Variants in RABGAP1L observed in about 807,000 individuals in gnomAD.
RABGAP1L encodes the protein RAB GTPase activating protein 1 like.
Under a neutral mutation model 137.7 loss-of-function variants are expected in RABGAP1L, and 63 were observed. That is an observed-to-expected ratio of 0.46 (90% CI 0.37 to 0.56). The LOEUF is 0.56. RABGAP1L is among the 20% of genes least tolerant of loss of function. RABGAP1L has a pLI of 0.00. For missense variants in RABGAP1L, 1,095 were observed against 1,244.0 expected (o/e 0.88, Z 1.80); for synonymous variants, 431 against 433.7 (o/e 0.99, Z 0.08).
intron 14 of RABGAP1L, among the ~76,000 whole-genome samples, chr1:174,651,266 A>G (rs904694220): frequency 9.2e-5 from 14 of 151,984 alleles, no homozygotes; most frequent in Non-Finnish European, 1.3e-4. Context: ...TATGTGGTCA[A>G]TTTTGGAATA....
intron 20 of RABGAP1L, chr1:174,957,998 T>G: frequency 6.4e-7 from 1 of 1,557,698 alleles, no homozygotes; most frequent in East Asian, 2.2e-5. Context: ...CTTTCAAAAA[T>G]GAAACAAAAA....
intron 13 of RABGAP1L, among the ~76,000 whole-genome samples, chr1:174,563,603 C>T (rs1442256126): frequency 2.0e-5 from 3 of 152,030 alleles, no homozygotes; most frequent in East Asian, 3.9e-4. Context: ...ACTGTGATAA[C>T]CGAAGGGTTC....
At chr1:174,317,700 C>T (rs1679517664) in intron 11 of RABGAP1L, among the ~76,000 whole-genome samples, 1 of 152,164 alleles carries the variant, frequency 6.6e-6, no homozygotes, top group Non-Finnish European at 1.5e-5. Context: ...GGGCCTAGTT[C>T]ATCACTATGA....
intron 13 of RABGAP1L, among the ~76,000 whole-genome samples, chr1:174,400,585 T>A (rs765029076): frequency 3.0e-4 from 46 of 152,222 alleles, no homozygotes; most frequent in Non-Finnish European, 5.7e-4. Flanking sequence ...AGGTCCTGGA[T>A]AAAGCTTTTA....
chr1:174,327,324 TAAG>T (rs1167659375), intron 11 of RABGAP1L, among the ~76,000 whole-genome samples: 2 of 151,850 alleles, frequency 1.3e-5, no homozygotes, highest in Non-Finnish European at 2.9e-5. Context: ...AATAATATAA[TAAG>T]GTATAAAAAG....
At chr1:174,771,992 G>A (rs1326082380) in intron 18 of RABGAP1L, among the ~76,000 whole-genome samples, 1 of 152,120 alleles carries the variant, frequency 6.6e-6, no homozygotes, top group Non-Finnish European at 1.5e-5. Flanking sequence ...GAGGTCAGAA[G>A]TTCAAGACCA....
chr1:174,327,984 C>CATATATATATATATGT (rs1314813386), intron 11 of RABGAP1L, among the ~76,000 whole-genome samples: 2 of 37,864 alleles, frequency 5.3e-5, no homozygotes, highest in African/African-American at 1.1e-4. Context: ...TATATACACA[C>CATATATATATATATGT]ACATATATAT....
At chr1:174,462,140 A>G (rs1052590952) in intron 13 of RABGAP1L, among the ~76,000 whole-genome samples, 12 of 152,034 alleles carry the variant, frequency 7.9e-5, no homozygotes, top group Non-Finnish European at 1.8e-4. Context: ...CTCTAATAAT[A>G]CTTCTTTTAA....
chr1:174,303,530 C>T (rs1677918711), intron 10 of RABGAP1L, among the ~76,000 whole-genome samples: 2 of 152,138 alleles, frequency 1.3e-5, no homozygotes, highest in Admixed American at 6.5e-5. Context: ...AGCCAACGCA[C>T]ATTTATTGAG....
rs546731792 is a variant in RABGAP1L at position 174,982,306 on chromosome 1, C to T, written c.2734-528C>T. Among the ~76,000 whole-genome samples, 8 of 152,188 alleles carry T rather than the reference C, an allele frequency of 5.3e-5. No homozygotes were observed. In the South Asian group the frequency reaches 1.2e-3, roughly 24 times the overall value. ...CTAGTCCCCTACCCCTCCACCAGGC[C>T]GCGGTGTGTGATGTTCCCCTCCCTA... On this transcript the variant is annotated intron_variant, in intron 23 of 25. Coordinates refer to ENST00000681986, the MANE Select transcript of RABGAP1L (RefSeq NM_001366446.1).
intron 19 of RABGAP1L, among the ~76,000 whole-genome samples, chr1:174,899,935 T>C (rs940157523): frequency 1.3e-5 from 2 of 151,040 alleles, no homozygotes; most frequent in Non-Finnish European, 3.0e-5. Context: ...GGGGAATGTT[T>C]GGGGGGGTAG....
At chr1:174,747,025 T>A (rs1683928867) in intron 17 of RABGAP1L, among the ~76,000 whole-genome samples, 1 of 152,194 alleles carries the variant, frequency 6.6e-6, no homozygotes, top group Non-Finnish European at 1.5e-5. Flanking sequence ...TGTTTTCCCC[T>A]TAAGAACAAA....
At chr1:174,209,368 C>T (rs1450413441) in intron 1 of RABGAP1L, among the ~76,000 whole-genome samples, 3 of 152,062 alleles carry the variant, frequency 2.0e-5, no homozygotes, top group Non-Finnish European at 4.4e-5. Flanking sequence ...GAGCCCTCTG[C>T]CCTGAGGAAT....
chr1:174,611,470 A>G (rs1671244864), intron 13 of RABGAP1L, among the ~76,000 whole-genome samples: 1 of 150,046 alleles, frequency 6.7e-6, no homozygotes, highest in Non-Finnish European at 1.5e-5. Context: ...CTTGTAGTAT[A>G]GTTTGAAGTC....
At chr1:174,236,613 ATT>A (rs1671192690) in intron 4 of RABGAP1L, among the ~76,000 whole-genome samples, 1 of 150,420 alleles carries the variant, frequency 6.6e-6, no homozygotes, top group African/African-American at 2.4e-5. Context: ...TTCTAGTTTG[ATT>A]GCACTGTGGT....
At chr1:174,780,773 A>G (rs1272136628) in intron 18 of RABGAP1L, among the ~76,000 whole-genome samples, 2 of 125,910 alleles carry the variant, frequency 1.6e-5, no homozygotes, top group African/African-American at 6.2e-5. Context: ...TCTTGTGTCC[A>G]AGTGTTCTCA....
chr1:174,263,710 CTT>C (rs879804697), intron 7 of RABGAP1L, among the ~76,000 whole-genome samples: 6 of 144,986 alleles, frequency 4.1e-5, no homozygotes, highest in Non-Finnish European at 4.6e-5. Context: ...CTTTTATTTA[CTT>C]TTTTTTTTTT....
At chr1:174,161,992 C>T (rs1238571888) in intron 1 of RABGAP1L, among the ~76,000 whole-genome samples, 2 of 150,800 alleles carry the variant, frequency 1.3e-5, no homozygotes, top group Non-Finnish European at 2.9e-5. Flanking sequence ...CTCAGCCTCT[C>T]GAAGTGCTGG....
intron 13 of RABGAP1L, among the ~76,000 whole-genome samples, chr1:174,429,039 C>T (rs1013407474): frequency 6.6e-6 from 1 of 151,922 alleles, no homozygotes; most frequent in Non-Finnish European, 1.5e-5. Context: ...AAATTAGGTT[C>T]TTTTTCTGGT....
Sources: gnomAD v4.1 joint callset for allele counts (sites outside exome capture counted in the v4.1 genomes callset) on GRCh38, gnomAD v4.1.1 for gene constraint, MANE v1.5 for transcripts, NCBI Gene and HGNC (gene_info 2026-07-23, HGNC 2026-07-21) for gene names.